PIK3C2G: variants seen among roughly 807,000 people sequenced by gnomAD.
The protein encoded by PIK3C2G is phosphatidylinositol 3-kinase C2 domain-containing subunit gamma.
Under a neutral mutation model 181.1 loss-of-function variants are expected in PIK3C2G, and 168 were observed. The ratio of observed to expected loss-of-function variants is 0.93; its 90% confidence interval spans 0.82 to 1.05. The LOEUF is 1.05. Ranked by LOEUF, PIK3C2G falls within the 50% of genes least tolerant of loss-of-function variation. PIK3C2G has a pLI of 0.00. For synonymous variants in PIK3C2G, 573 were observed against 592.2 expected (o/e 0.97, Z 0.47); for missense variants, 1,869 against 1,732.8 (o/e 1.08, Z -1.40).
At chr12:18,355,965 G>A (rs1182278022) in intron 11 of PIK3C2G, among the ~76,000 whole-genome samples, 1 of 152,178 alleles carries the variant, frequency 6.6e-6, no homozygotes. Flanking sequence ...GGGGGTCTTG[G>A]CTGACACCTT....
chr12:18,433,491 A>G (rs1238294760), intron 18 of PIK3C2G, among the ~76,000 whole-genome samples: 1 of 152,146 alleles, frequency 6.6e-6, no homozygotes, highest in Admixed American at 6.5e-5. Context: ...ACGCCATTGC[A>G]CTCCAGCCTG....
chr12:18,292,227 A>AATATATATATATATATATATATAT (rs1555149102), intron 4 of PIK3C2G, among the ~76,000 whole-genome samples: 2 of 48,744 alleles, frequency 4.1e-5, no homozygotes, highest in African/African-American at 1.1e-4. Context: ...AAAAAAAAAA[A>AATATATATATATATATATATATAT]ATATATATAT....
the PIK3C2G span, among the ~76,000 whole-genome samples, chr12:18,656,837 G>A: frequency 6.6e-6 from 1 of 152,094 alleles, no homozygotes; most frequent in Non-Finnish European, 1.5e-5. Context: ...ATCAAATTTT[G>A]CAACAACAAA....
the PIK3C2G span, among the ~76,000 whole-genome samples, chr12:18,674,116 CAA>C: frequency 6.6e-6 from 1 of 152,242 alleles, no homozygotes; most frequent in African/African-American, 2.4e-5. Context: ...AATCGAAAGA[CAA>C]AGAATATTAG....
At chr12:18,610,446 A>G (rs1948275626) in intron 31 of PIK3C2G, among the ~76,000 whole-genome samples, 3 of 152,130 alleles carry the variant, frequency 2.0e-5, no homozygotes, top group Admixed American at 2.0e-4. Flanking sequence ...TTGAAACAAT[A>G]AATATTTGTT....
chr12:18,345,047 T>A (rs1273631838), intron 10 of PIK3C2G, among the ~76,000 whole-genome samples: 1 of 152,192 alleles, frequency 6.6e-6, no homozygotes, highest in Non-Finnish European at 1.5e-5. Context: ...CTTAAATTAA[T>A]AAATCAAATT....
intron 31 of PIK3C2G, among the ~76,000 whole-genome samples, chr12:18,623,425 TTTAA>T (rs995613049): frequency 3.3e-4 from 50 of 152,018 alleles, no homozygotes; most frequent in African/African-American, 1.2e-3. Context: ...GTACTAGCTG[TTTAA>T]TTACTATCAT....
At chr12:18,321,916 A>G (rs1951127473) in intron 7 of PIK3C2G, among the ~76,000 whole-genome samples, 1 of 152,170 alleles carries the variant, frequency 6.6e-6, no homozygotes, top group South Asian at 2.1e-4. Flanking sequence ...AGGGAGGGGA[A>G]CAACACACAC....
intron 24 of PIK3C2G, among the ~76,000 whole-genome samples, chr12:18,527,663 T>C (rs184724884): frequency 6.0e-5 from 7 of 115,956 alleles, no homozygotes; most frequent in Non-Finnish European, 1.0e-4. Context: ...CTCTTTCCTC[T>C]AAACTCAACT....
chr12:18,283,892 AG>A (rs1949329242), intron 2 of PIK3C2G, among the ~76,000 whole-genome samples: 1 of 152,124 alleles, frequency 6.6e-6, no homozygotes, highest in South Asian at 2.1e-4. Flanking sequence ...CCTTGAGAAA[AG>A]CAAGCCCTGT....
intron 24 of PIK3C2G, among the ~76,000 whole-genome samples, chr12:18,511,566 A>T (rs1942208710): frequency 6.6e-6 from 1 of 151,980 alleles, no homozygotes; most frequent in Non-Finnish European, 1.5e-5. Context: ...TTTCCTTGAT[A>T]ATTAGTGATG....
chr12:18,580,349 G>C (rs370901911), intron 29 of PIK3C2G, among the ~76,000 whole-genome samples: 1 of 152,104 alleles, frequency 6.6e-6, no homozygotes, highest in African/African-American at 2.4e-5. Context: ...ATAAGAAATT[G>C]ATATTACTTA....
the PIK3C2G span, among the ~76,000 whole-genome samples, chr12:18,697,124 A>G: frequency 6.6e-6 from 1 of 152,122 alleles, no homozygotes; most frequent in Non-Finnish European, 1.5e-5. Flanking sequence ...TTCATTAAAC[A>G]GATCCTGTTT....
intron 21 of PIK3C2G, among the ~76,000 whole-genome samples, 184 bp from the exon 22 acceptor site, chr12:18,497,435 T>C (rs887223607): frequency 2.0e-5 from 3 of 152,172 alleles, no homozygotes; most frequent in Admixed American, 6.5e-5. Context: ...TAAAAGGAAG[T>C]TCTCATTTAA....
At chr12:18,666,530 A>G in the PIK3C2G span, among the ~76,000 whole-genome samples, 1 of 152,154 alleles carries the variant, frequency 6.6e-6, no homozygotes, top group East Asian at 1.9e-4. Context: ...AGATAAAACA[A>G]TTATAAATAT....
Position 18,324,675 on chromosome 12 carries a change from C to T in PIK3C2G, c.1209-360C>T, listed in dbSNP as rs563790954. Among the ~76,000 whole-genome samples the T allele has an allele frequency of 1.7e-4, 26 of 152,236 alleles. No homozygotes were observed. In the South Asian group the frequency reaches 5.0e-3, roughly 29 times the overall value. Reference sequence around the variant, plus strand: ...CAAATGCAATTCTCTACAAGATATGCCATACTTAATATTTCTTGATGTTAA... The same window carrying T: ...CAAATGCAATTCTCTACAAGATATGTCATACTTAATATTTCTTGATGTTAA... On this transcript the variant is annotated intron_variant, in intron 7 of 32. Coordinates refer to ENST00000538779, the MANE Select transcript of PIK3C2G (RefSeq NM_001288772.2).
intron 1 of PIK3C2G, among the ~76,000 whole-genome samples, chr12:18,281,180 C>T (rs1207671439): frequency 6.9e-6 from 1 of 145,806 alleles, no homozygotes; most frequent in East Asian, 2.0e-4. Flanking sequence ...TAATTTAAAC[C>T]ACAGGAGGTA....
chr12:18,294,185 T>C (rs977694189), intron 5 of PIK3C2G, among the ~76,000 whole-genome samples, 170 bp downstream of exon 5: 1 of 152,110 alleles, frequency 6.6e-6, no homozygotes, highest in Non-Finnish European at 1.5e-5. Context: ...ATATTAACAA[T>C]CTTATTCTTG....
intron 31 of PIK3C2G, among the ~76,000 whole-genome samples, chr12:18,638,515 T>C (rs566094244): frequency 2.0e-5 from 3 of 152,284 alleles, no homozygotes; most frequent in African/African-American, 4.8e-5. Context: ...TCAACTCGCA[T>C]TGTAATTCAA....
Sources: gnomAD v4.1 joint callset for allele counts (sites outside exome capture counted in the v4.1 genomes callset) on GRCh38, gnomAD v4.1.1 for gene constraint, MANE v1.5 for transcripts, NCBI Gene and HGNC (gene_info 2026-07-23, HGNC 2026-07-21) for gene names.